The following VKORC1L1 variants were observed in gnomAD, a reference collection of about 807,000 sequenced individuals.
The protein encoded by VKORC1L1 is vitamin K epoxide reductase complex subunit 1L1.
VKORC1L1 carries 2 observed loss-of-function variants against 18.9 expected under a neutral mutation model. That is an observed-to-expected ratio of 0.11 (90% CI 0.04 to 0.33). The LOEUF (loss-of-function observed/expected upper bound fraction) is 0.33. Among genes scored for constraint, VKORC1L1 ranks in the 10% least tolerant of loss-of-function variants. The pLI is 1.00. For missense variants in VKORC1L1, 123 were observed against 224.1 expected (o/e 0.55, Z 2.88); for synonymous variants, 96 against 100.0 (o/e 0.96, Z 0.24).
intron 1 of VKORC1L1, among the ~76,000 whole-genome samples, chr7:65,929,136 T>C (rs542884044): frequency 2.0e-5 from 3 of 152,312 alleles, no homozygotes; most frequent in African/African-American, 7.2e-5. Flanking sequence ...GGGCTGGGCA[T>C]GGTAGCTCAC....
intron 2 of VKORC1L1, among the ~76,000 whole-genome samples, chr7:65,949,694 G>A (rs1296014587): frequency 1.3e-5 from 2 of 151,690 alleles, no homozygotes; most frequent in African/African-American, 4.9e-5. Context: ...TGAGGTGAGA[G>A]AATCACTTGA....
intron 1 of VKORC1L1, among the ~76,000 whole-genome samples, chr7:65,924,506 A>G (rs993018386): frequency 3.3e-5 from 5 of 152,222 alleles, no homozygotes; most frequent in Admixed American, 3.3e-4. Context: ...TGACTATTCT[A>G]TAATATTATA....
At chr7:65,873,590 A>C in intron 1 of VKORC1L1, 25 bp downstream of exon 1, 1 of 1,448,354 alleles carries the variant, frequency 6.9e-7, no homozygotes, top group Non-Finnish European at 9.2e-7. Context: ...GGAGTGGGCC[A>C]GGAGCGGCCG....
At chr7:65,914,740 C>CTG (rs1789558124) in intron 1 of VKORC1L1, among the ~76,000 whole-genome samples, 2 of 152,116 alleles carry the variant, frequency 1.3e-5, no homozygotes, top group East Asian at 3.8e-4. Flanking sequence ...TGTCTCAACC[C>CTG]TGTAAGTCCA....
At chr7:65,868,207 C>T (rs1248308514), upstream of VKORC1L1, among the ~76,000 whole-genome samples, 1 of 152,080 alleles carries the variant, frequency 6.6e-6, no homozygotes, top group Admixed American at 6.6e-5. Context: ...TGTAACCTTG[C>T]ACTTTGAGAG....
intron 1 of VKORC1L1, among the ~76,000 whole-genome samples, chr7:65,930,133 G>T (rs1219733599): frequency 2.6e-5 from 4 of 152,078 alleles, no homozygotes; most frequent in Non-Finnish European, 5.9e-5. Flanking sequence ...CTTGTGCCGG[G>T]TAACCTTATA....
intron 1 of VKORC1L1, among the ~76,000 whole-genome samples, chr7:65,907,898 C>T (rs1349427054): frequency 6.6e-6 from 1 of 150,950 alleles, no homozygotes; most frequent in East Asian, 1.9e-4. Flanking sequence ...TTTTTTTTCC[C>T]GTATCAAAGA....
At chr7:65,885,110 C>G (rs1434247314) in intron 1 of VKORC1L1, among the ~76,000 whole-genome samples, 1 of 152,144 alleles carries the variant, frequency 6.6e-6, no homozygotes, top group Non-Finnish European at 1.5e-5. Context: ...AACATGACTT[C>G]TTAAATCTCC....
chr7:65,901,267 C>T (rs534289457), intron 1 of VKORC1L1, among the ~76,000 whole-genome samples: 3 of 152,200 alleles, frequency 2.0e-5, no homozygotes, highest in African/African-American at 4.8e-5. Context: ...GAGGCCTAGG[C>T]GGGAGGATGC....
intron 1 of VKORC1L1, among the ~76,000 whole-genome samples, chr7:65,947,317 A>T (rs1374881568): frequency 2.0e-5 from 3 of 152,010 alleles, no homozygotes; most frequent in Non-Finnish European, 4.4e-5. Flanking sequence ...GCCTGTGAAG[A>T]ATTACTTATT....
At chr7:65,883,572 T>C (rs1374603201) in intron 1 of VKORC1L1, among the ~76,000 whole-genome samples, 1 of 152,166 alleles carries the variant, frequency 6.6e-6, no homozygotes, top group Non-Finnish European at 1.5e-5. Flanking sequence ...GGTTCTCGGC[T>C]CACTGCAACC....
At chr7:65,946,432 G>A (rs1292430457) in intron 1 of VKORC1L1, among the ~76,000 whole-genome samples, 1 of 152,080 alleles carries the variant, frequency 6.6e-6, no homozygotes, top group Non-Finnish European at 1.5e-5. Context: ...GACCAGAAGC[G>A]TCAGTGTTGC....
intron 1 of VKORC1L1, among the ~76,000 whole-genome samples, chr7:65,888,732 A>G (rs1044998108): frequency 3.9e-5 from 6 of 152,174 alleles, no homozygotes; most frequent in African/African-American, 1.4e-4. Context: ...ACCTTTTAAC[A>G]GTGATGCTGC....
At chr7:65,876,162 A>G (rs1788824083) in intron 1 of VKORC1L1, among the ~76,000 whole-genome samples, 2 of 152,232 alleles carry the variant, frequency 1.3e-5, no homozygotes, top group Non-Finnish European at 2.9e-5. Flanking sequence ...AGTAAAAACA[A>G]TAACACACCA....
intron 1 of VKORC1L1, among the ~76,000 whole-genome samples, chr7:65,930,928 A>G (rs1403542009): frequency 6.6e-6 from 1 of 152,178 alleles, no homozygotes; most frequent in Non-Finnish European, 1.5e-5. Context: ...GAGAAATTTA[A>G]TCATGAATAG....
At chr7:65,903,881 G>C (rs1159390936) in intron 1 of VKORC1L1, among the ~76,000 whole-genome samples, 1 of 151,630 alleles carries the variant, frequency 6.6e-6, no homozygotes, top group Non-Finnish European at 1.5e-5. Context: ...TGGAAATTTA[G>C]ATCTTCACAA....
At chr7:65,904,694 A>G (rs985392637) in intron 1 of VKORC1L1, among the ~76,000 whole-genome samples, 1 of 152,246 alleles carries the variant, frequency 6.6e-6, no homozygotes, top group Non-Finnish European at 1.5e-5. Context: ...AATGCAAGAC[A>G]TATGGGGAAA....
At chr7:65,932,197 C>T (rs1583856975) in intron 1 of VKORC1L1, among the ~76,000 whole-genome samples, 1 of 151,866 alleles carries the variant, frequency 6.6e-6, no homozygotes, top group African/African-American at 2.4e-5. Flanking sequence ...TCCCGGGTTC[C>T]AGTAATTCTC....
At chr7:65,899,685 G>A (rs1789276726) in intron 1 of VKORC1L1, among the ~76,000 whole-genome samples, 2 of 152,058 alleles carry the variant, frequency 1.3e-5, no homozygotes, top group South Asian at 4.1e-4. Context: ...CTGGAGTTAC[G>A]AGATAGAAAT....
Sources: gnomAD v4.1 joint callset for allele counts (sites outside exome capture counted in the v4.1 genomes callset) on GRCh38, gnomAD v4.1.1 for gene constraint, MANE v1.5 for transcripts, NCBI Gene and HGNC (gene_info 2026-07-23, HGNC 2026-07-21) for gene names.